KHDRBS2: variants seen among roughly 807,000 people sequenced by gnomAD.
The protein encoded by KHDRBS2 is KH domain-containing, RNA-binding, signal transduction-associated protein 2.
Under a neutral mutation model 44.3 loss-of-function variants are expected in KHDRBS2, and 26 were observed. The observed-to-expected ratio is 0.59, with a 90% CI of 0.43 to 0.81. KHDRBS2 has a LOEUF of 0.81. Among genes scored for constraint, KHDRBS2 ranks in the 40% least tolerant of loss-of-function variants. The probability of loss-of-function intolerance (pLI) is 0.00; values close to 1 mark genes in which losing one functional copy is unlikely to be tolerated. For missense variants in KHDRBS2, 476 were observed against 433.1 expected (o/e 1.10, Z -0.88); for synonymous variants, 194 against 151.1 (o/e 1.28, Z -2.08).
intron 4 of KHDRBS2, among the ~76,000 whole-genome samples, chr6:61,956,156 T>C (rs1478570901): frequency 6.6e-6 from 1 of 151,678 alleles, no homozygotes; most frequent in East Asian, 1.9e-4. Flanking sequence ...ATTGCACCAC[T>C]GCACTCCAGC....
At chr6:61,777,332 C>G (rs1372102379) in intron 6 of KHDRBS2, among the ~76,000 whole-genome samples, 6 of 151,770 alleles carry the variant, frequency 4.0e-5, no homozygotes, top group Non-Finnish European at 2.9e-5. Context: ...TAACAAAATA[C>G]AAATTTACAG....
chr6:61,856,496 A>G (rs1199360157), intron 6 of KHDRBS2, among the ~76,000 whole-genome samples: 1 of 152,104 alleles, frequency 6.6e-6, no homozygotes, highest in Non-Finnish European at 1.5e-5. Flanking sequence ...TTACTTGAAA[A>G]TAGAAGAAAA....
intron 2 of KHDRBS2, among the ~76,000 whole-genome samples, chr6:62,127,903 T>A (rs975723806): frequency 2.6e-5 from 4 of 152,152 alleles, no homozygotes; most frequent in African/African-American, 9.7e-5. Context: ...CATGCAATTA[T>A]CAATTAGTTA....
intron 6 of KHDRBS2, among the ~76,000 whole-genome samples, chr6:61,873,133 A>AAAATCATGG (rs1798902227): frequency 6.6e-6 from 1 of 152,102 alleles, no homozygotes; most frequent in South Asian, 2.1e-4. Context: ...ATAAGACATA[A>AAAATCATGG]AAATCATGGT....
At chr6:61,694,148 A>T (rs1381935668) in intron 8 of KHDRBS2, among the ~76,000 whole-genome samples, 1 of 152,142 alleles carries the variant, frequency 6.6e-6, no homozygotes, top group Non-Finnish European at 1.5e-5. Context: ...TGATTTTTCA[A>T]AAAATGACTA....
At chr6:62,034,822 A>T (rs1784989942) in intron 3 of KHDRBS2, among the ~76,000 whole-genome samples, 1 of 151,980 alleles carries the variant, frequency 6.6e-6, no homozygotes, top group African/African-American at 2.4e-5. Context: ...AAAAATGTCC[A>T]AAAGATCAGA....
chr6:61,740,895 C>T, intron 6 of KHDRBS2, among the ~76,000 whole-genome samples: 1 of 151,808 alleles, frequency 6.6e-6, no homozygotes, highest in East Asian at 1.9e-4. Flanking sequence ...CTCTAGTAGT[C>T]ATCAACATAT....
intron 3 of KHDRBS2, among the ~76,000 whole-genome samples, chr6:61,992,748 G>A (rs1184526663): frequency 2.0e-5 from 3 of 152,292 alleles, no homozygotes; most frequent in Admixed American, 2.0e-4. Flanking sequence ...TTTAATCAAA[G>A]AAACAGCTTT....
chr6:62,265,357 T>A (rs1292339216), intron 1 of KHDRBS2, among the ~76,000 whole-genome samples: 6 of 151,956 alleles, frequency 3.9e-5, no homozygotes, highest in Non-Finnish European at 7.4e-5. Flanking sequence ...ATTTGCTAAT[T>A]AATTAGTTTC....
chr6:61,913,525 GTAAA>G (rs1806418009), intron 4 of KHDRBS2, among the ~76,000 whole-genome samples: 1 of 151,100 alleles, frequency 6.6e-6, no homozygotes, highest in Admixed American at 6.6e-5. Flanking sequence ...ATTATATATA[GTAAA>G]TAAAACAAAT....
At chr6:61,927,513 C>G (rs1441213078) in intron 4 of KHDRBS2, among the ~76,000 whole-genome samples, 2 of 152,032 alleles carry the variant, frequency 1.3e-5, no homozygotes, top group East Asian at 3.9e-4. Context: ...ACGTAGTCTC[C>G]AAGTCAACTA....
intron 2 of KHDRBS2, among the ~76,000 whole-genome samples, chr6:62,088,643 T>C (rs1291839601): frequency 6.6e-6 from 1 of 152,124 alleles, no homozygotes; most frequent in Non-Finnish European, 1.5e-5. Flanking sequence ...TGTAGACCAC[T>C]GCTGGGAAGT....
At chr6:62,048,883 G>C (rs1788340986) in intron 2 of KHDRBS2, among the ~76,000 whole-genome samples, 1 of 151,874 alleles carries the variant, frequency 6.6e-6, no homozygotes, top group Non-Finnish European at 1.5e-5. Context: ...GGAACATAAA[G>C]AACAATGATA....
chr6:61,811,244 A>G (rs1788067386), intron 6 of KHDRBS2, among the ~76,000 whole-genome samples: 2 of 152,122 alleles, frequency 1.3e-5, no homozygotes, highest in South Asian at 4.1e-4. Context: ...TGCTTAGGAT[A>G]ATGACCTCCA....
chr6:61,738,611 A>G (rs1243166350), intron 6 of KHDRBS2, among the ~76,000 whole-genome samples: 1 of 152,026 alleles, frequency 6.6e-6, no homozygotes, highest in African/African-American at 2.4e-5. Context: ...TATGAATTAT[A>G]GACCACTTCA....
the KHDRBS2 span, among the ~76,000 whole-genome samples, chr6:61,636,072 G>C: frequency 0.83 from 125,619 of 152,050 alleles, 52,154 homozygotes; most frequent in Non-Finnish European, 0.87. Context: ...ACAATATTCC[G>C]TAGTTTCTTT....
At chr6:61,789,474 G>A (rs181648686) in intron 6 of KHDRBS2, among the ~76,000 whole-genome samples, 11 of 151,354 alleles carry the variant, frequency 7.3e-5, no homozygotes, top group Non-Finnish European at 1.0e-4. Flanking sequence ...AAGAAAAAAC[G>A]TATAGTATTA....
intron 6 of KHDRBS2, among the ~76,000 whole-genome samples, chr6:61,868,951 G>A (rs116799993): frequency 0.013 from 1,971 of 152,250 alleles, 47 homozygotes; most frequent in African/African-American, 0.045. Flanking sequence ...TCTGTATGTT[G>A]GACCCAAGGC....
At chr6:62,025,619 T>C (rs1391053688) in intron 3 of KHDRBS2, among the ~76,000 whole-genome samples, 3 of 152,050 alleles carry the variant, frequency 2.0e-5, no homozygotes, top group Non-Finnish European at 2.9e-5. Flanking sequence ...CAAGTTTGTA[T>C]TGATTTTTCC....
Sources: allele counts gnomAD v4.1 joint callset (sites outside exome capture counted in the v4.1 genomes callset), GRCh38; gene constraint gnomAD v4.1.1; transcripts MANE v1.5; gene names NCBI Gene and HGNC (gene_info 2026-07-23, HGNC 2026-07-21).